TET3: variants seen among roughly 807,000 people sequenced by gnomAD.
The protein encoded by TET3 is tet methylcytosine dioxygenase 3.
In TET3, 19 loss-of-function variants were observed where a neutral mutation model predicts 141.4. The ratio of observed to expected loss-of-function variants is 0.13; its 90% confidence interval spans 0.09 to 0.20. The LOEUF (loss-of-function observed/expected upper bound fraction) is 0.20. TET3 is among the 10% of genes least tolerant of loss of function. The pLI is 1.00. For synonymous variants in TET3, 1,043 were observed against 980.9 expected (o/e 1.06, Z -1.18); for missense variants, 1,874 against 2,356.9 (o/e 0.80, Z 4.24).
chr2:74,086,886 CGTT>C (rs1690192627), intron 6 of TET3, among the ~76,000 whole-genome samples: 1 of 151,490 alleles, frequency 6.6e-6, no homozygotes, highest in Admixed American at 6.6e-5. Context: ...AGTACATTCA[CGTT>C]GTTGTACAAG....
At chr2:74,084,556 C>A (rs986835095) in intron 6 of TET3, among the ~76,000 whole-genome samples, 2 of 151,976 alleles carry the variant, frequency 1.3e-5, no homozygotes, top group Admixed American at 1.3e-4. Flanking sequence ...GGGTTCACGC[C>A]ATTCTCCTGC....
intron 3 of TET3, among the ~76,000 whole-genome samples, chr2:74,022,094 CTTTTTTTTTTTTT>C (rs34529157): frequency 1.2e-5 from 1 of 82,768 alleles, no homozygotes; most frequent in Non-Finnish European, 2.3e-5. Context: ...TTCTAGGACA[CTTTTTTTTTTTTT>C]TTTTTTTTTT....
At chr2:74,054,088 T>A (rs192478718) in intron 4 of TET3, among the ~76,000 whole-genome samples, 200 of 152,178 alleles carry the variant, frequency 1.3e-3, no homozygotes, top group African/African-American at 4.6e-3. Flanking sequence ...CACATGAAGA[T>A]GCGGAAGATG....
chr2:73,989,709 A>G (rs371333610), intron 2 of TET3, among the ~76,000 whole-genome samples: 1 of 152,096 alleles, frequency 6.6e-6, no homozygotes. Flanking sequence ...CTTCCTTCCT[A>G]GTTCCAGGAA....
At chr2:74,079,250 G>A (rs556031898) in intron 5 of TET3, among the ~76,000 whole-genome samples, 1 of 152,318 alleles carries the variant, frequency 6.6e-6, no homozygotes, top group African/African-American at 2.4e-5. Context: ...GGGAGGCTGA[G>A]GCAGAGAATT....
At chr2:74,061,265 G>A (rs1181423111) in intron 4 of TET3, among the ~76,000 whole-genome samples, 5 of 142,450 alleles carry the variant, frequency 3.5e-5, no homozygotes, top group South Asian at 2.3e-4. Flanking sequence ...CTTCCCTCCC[G>A]GATGGGGCGG....
chr2:74,055,261 T>G (rs1220908853), intron 4 of TET3, among the ~76,000 whole-genome samples: 1 of 152,184 alleles, frequency 6.6e-6, no homozygotes, highest in Non-Finnish European at 1.5e-5. Context: ...CCCTTCATAT[T>G]TTTTGGTCAA....
At chr2:73,992,718 C>G (rs903929487) in intron 2 of TET3, among the ~76,000 whole-genome samples, 5 of 151,976 alleles carry the variant, frequency 3.3e-5, no homozygotes, top group Non-Finnish European at 7.4e-5. Flanking sequence ...GAAAGAGGGC[C>G]AAAAAACCAG....
chr2:74,087,941 A>G lies in TET3; in HGVS notation c.2791A>G (p.Ile931Val). Reference sequence around the variant, plus strand: ...CATCCTCATCCTGGCCTGGGAGGGCATTCCCCGTAGCCTCGGAGACACCCT... The same window carrying G: ...CATCCTCATCCTGGCCTGGGAGGGCGTTCCCCGTAGCCTCGGAGACACCCT... ...IVILILAWEG[I>V]PRSLGDTLYQ... The change falls in exon 7 of 12, where the codon ATT (isoleucine) becomes GTT (valine). Residue 931 changes from isoleucine to valine, a missense_variant. Physicochemically the swap from Ile to Val is conservative, Grantham distance 29. Around this residue, in one of 10 missense-constraint regions of TET3, gnomAD observed 126 missense variants for 327.4 expected, o/e 0.38. Transcript: ENST00000409262. The surrounding 1 kb of genome is among the most constrained non-coding windows in gnomAD (Gnocchi z 4.3). 6.4e-7 allele frequency: 1 copy of G among 1,553,564 alleles called. No homozygotes were observed. Among genetic ancestry groups the G allele is most frequent in the Non-Finnish European group, 8.7e-7 (1 of 1,148,130 alleles).
chr2:74,127,732 G>A, the TET3 span, among the ~76,000 whole-genome samples: 3 of 151,428 alleles, frequency 2.0e-5, no homozygotes, highest in Non-Finnish European at 4.4e-5. Flanking sequence ...AATTTGATTC[G>A]GAAAAATAGC....
chr2:74,083,976 C>G (rs1034143825), intron 6 of TET3, among the ~76,000 whole-genome samples: 1 of 152,142 alleles, frequency 6.6e-6, no homozygotes, highest in African/African-American at 2.4e-5. Context: ...CGTCGATGCC[C>G]GTGATGCACT....
chr2:74,034,966 C>A (rs1192903256), intron 3 of TET3, among the ~76,000 whole-genome samples: 3 of 147,990 alleles, frequency 2.0e-5, no homozygotes, highest in African/African-American at 5.0e-5. Context: ...CTGAGGCAAG[C>A]AGATCACGAG....
intron 5 of TET3, among the ~76,000 whole-genome samples, chr2:74,075,157 A>G (rs1046910875): frequency 6.6e-6 from 1 of 152,090 alleles, no homozygotes; most frequent in Non-Finnish European, 1.5e-5. Flanking sequence ...GGCGTGAGCC[A>G]CTGCGCCCAG....
At chr2:73,999,765 T>C (rs927646376) in intron 2 of TET3, among the ~76,000 whole-genome samples, 1 of 151,876 alleles carries the variant, frequency 6.6e-6, no homozygotes, top group Admixed American at 6.6e-5. Flanking sequence ...AGGGGGCAGA[T>C]AGAGATGGGA....
downstream of TET3, among the ~76,000 whole-genome samples, chr2:74,112,721 G>A (rs182152236): frequency 7.0e-4 from 107 of 152,328 alleles, no homozygotes; most frequent in Admixed American, 2.5e-3. Flanking sequence ...ACCCACAGCA[G>A]GCTGGGTGCA....
rs1691044182 is a variant in TET3, at chr2:74,099,562, A to G, written c.3554A>G (p.Glu1185Gly). 1 of 1,606,902 alleles carries G rather than the reference A, an allele frequency of 6.2e-7. No individual in the cohort carries two copies. The highest frequency in any genetic ancestry group is 8.5e-7 in the Non-Finnish European group (1 of 1,176,328). ...KIQKEKLSTP[E>G]KIKQEALELA... is the part of the protein sequence containing the mutation. ...CAGAAGGAGAAGCTGAGCACTCCGGAGAAGATCAAGCAGGAGGCCCTGGAG... is the reference window on the plus strand; with the variant it reads ...CAGAAGGAGAAGCTGAGCACTCCGGGGAAGATCAAGCAGGAGGCCCTGGAG... Residue 1185 changes from glutamate to glycine, a missense_variant, in exon 11 of 12, where the codon GAG becomes GGG. Around this residue, in one of 10 missense-constraint regions of TET3, gnomAD observed 602 missense variants for 590.2 expected, o/e 1.02. Coordinates refer to ENST00000409262, the MANE Select transcript of TET3 (RefSeq NM_001287491.2).
At chr2:74,061,412 C>CG (rs1277028587) in intron 4 of TET3, among the ~76,000 whole-genome samples, 1 of 143,712 alleles carries the variant, frequency 7.0e-6, no homozygotes, top group Non-Finnish European at 1.5e-5. Flanking sequence ...GCTGGCAGGG[C>CG]GGGGGGCTGA....
At chr2:74,054,826 C>T (rs1688128146) in intron 4 of TET3, among the ~76,000 whole-genome samples, 1 of 152,144 alleles carries the variant, frequency 6.6e-6, no homozygotes, top group Admixed American at 6.5e-5. Flanking sequence ...ATTATTTGTT[C>T]TATGTGCACC....
chr2:74,031,173 G>A (rs1036303808), intron 3 of TET3, among the ~76,000 whole-genome samples: 2 of 152,092 alleles, frequency 1.3e-5, no homozygotes, highest in Non-Finnish European at 2.9e-5. Flanking sequence ...AGGGGAGCAT[G>A]GGGCGATGGA....
Sources: gnomAD v4.1 joint callset for allele counts (sites outside exome capture counted in the v4.1 genomes callset) on GRCh38, gnomAD v4.1.1 for gene constraint, gnomAD v4.1.1 regional missense constraint, Gnocchi (gnomAD v3.1) non-coding constraint, MANE v1.5 for transcripts, NCBI Gene and HGNC (gene_info 2026-07-23, HGNC 2026-07-21) for gene names.